The following FNDC1 variants were observed in gnomAD, a reference collection of about 807,000 sequenced individuals.
FNDC1 encodes the protein fibronectin type III domain containing 1.
Under a neutral mutation model 168.0 loss-of-function variants are expected in FNDC1, and 96 were observed. The ratio of observed to expected loss-of-function variants is 0.57; its 90% CI spans 0.48 to 0.68. FNDC1 has a LOEUF of 0.68. Among genes scored for constraint, FNDC1 ranks in the 30% least tolerant of loss-of-function variants. The probability of loss-of-function intolerance (pLI) is 0.00; values close to 1 mark genes in which losing one functional copy is unlikely to be tolerated. For synonymous variants in FNDC1, 1,099 were observed against 1,025.9 expected (o/e 1.07, Z -1.36); for missense variants, 2,587 against 2,482.1 (o/e 1.04, Z -0.90).
intron 9 of FNDC1, among the ~76,000 whole-genome samples, chr6:159,229,246 C>A (rs910780821): frequency 6.6e-6 from 1 of 152,190 alleles, no homozygotes; most frequent in Non-Finnish European, 1.5e-5. Flanking sequence ...AACTTTTCTT[C>A]ACAGCTCTAA....
chr6:159,252,416 A>T (rs1229731930), intron 17 of FNDC1, among the ~76,000 whole-genome samples: 1 of 152,196 alleles, frequency 6.6e-6, no homozygotes, highest in Non-Finnish European at 1.5e-5. Context: ...CTTACAATGA[A>T]AAAATGTGTC....
chr6:159,171,230 G>A (rs1425921132), intron 1 of FNDC1, among the ~76,000 whole-genome samples: 2 of 152,316 alleles, frequency 1.3e-5, no homozygotes, highest in African/African-American at 4.8e-5. Flanking sequence ...TCTCTCTACT[G>A]TGTTGACGTG....
At chr6:159,218,361 A>G (rs1248237854) in intron 5 of FNDC1, 1 of 152,130 alleles carries the variant, frequency 6.6e-6, no homozygotes, top group East Asian at 1.9e-4. Context: ...TAGCTCTTAA[A>G]TTTTCACACA....
In FNDC1 at chr6:159,232,773, A is replaced by C; in HGVS notation, c.2261A>C (p.Asn754Thr). ...GKDGEDAPATNSNAPSRSTMS... is the reference protein window; with the variant it reads ...GKDGEDAPATTSNAPSRSTMS... ...GATGGTGAGGACGCCCCAGCCACCA[A>C]CTCCAATGCGCCATCACGGTCCACC... The change falls in exon 11 of 23, where the codon AAC (asparagine) becomes ACC (threonine). Residue 754 changes from asparagine to threonine, a missense_variant. Coordinates refer to ENST00000297267, the MANE Select transcript of FNDC1 (RefSeq NM_032532.3). This position sits in a 1 kb window ranked among gnomAD's most constrained non-coding sequence, Gnocchi z 4.9. 1 of 1,613,284 alleles carries C rather than the reference A, an allele frequency of 6.2e-7. No homozygotes were observed. Among genetic ancestry groups the C allele is most frequent in the Non-Finnish European group, 8.5e-7 (1 of 1,179,704 alleles).
Position 159,236,247 on chromosome 6 carries a change from G to T in FNDC1, c.4000G>T (p.Val1334Phe). 1 of 1,613,756 alleles carries T rather than the reference G, an allele frequency of 6.2e-7. No homozygotes were observed. The highest frequency in any genetic ancestry group is 8.5e-7 in the Non-Finnish European group (1 of 1,179,720). ...YNGRPNVEGK[V>F]LPGSNGKPNG... Reference sequence around the variant, plus strand: ...TGGCAGACCAAATGTAGAAGGGAAAGTCCTTCCTGGTAGTAATGGAAAACC... The same window carrying T: ...TGGCAGACCAAATGTAGAAGGGAAATTCCTTCCTGGTAGTAATGGAAAACC... The change falls in exon 12 of 23, where the codon GTC becomes TTC. Residue 1334 changes from valine (V) to phenylalanine (F), a missense_variant. Physicochemically the swap from Val to Phe is conservative, Grantham distance 50 (BLOSUM62 -1). Transcript: ENST00000297267.
chr6:159,211,202 G>C (rs935140371), intron 4 of FNDC1, among the ~76,000 whole-genome samples: 6 of 152,190 alleles, frequency 3.9e-5, no homozygotes, highest in African/African-American at 1.4e-4. Flanking sequence ...TAGAGATCAG[G>C]ACCATCTTTG....
Position 159,225,622 on chromosome 6 carries a change from C to T in FNDC1, c.972C>T (p.Asn324=), listed in dbSNP as rs1159505135. 1.9e-6 allele frequency: 3 copies of T among 1,613,920 alleles called. No individual in the cohort carries two copies. The South Asian group carries it at 3.3e-5, about 18-fold the overall frequency. ...CTAACAGGCGTGTGCTGATTGAGAA[C>T]CTGATTCCAGACACTGTGTATGAAT... ...QIANRRVLIE[N]LIPDTVYEFA... Residue 324 remains asparagine (N), a synonymous_variant, in exon 8 of 23, where the codon AAC becomes AAT. Coordinates refer to ENST00000297267, the MANE Select transcript of FNDC1 (RefSeq NM_032532.3).
At chr6:159,203,097 A>G (rs548572424) in intron 4 of FNDC1, among the ~76,000 whole-genome samples, 1 of 151,972 alleles carries the variant, frequency 6.6e-6, no homozygotes, top group Non-Finnish European at 1.5e-5. Context: ...TTTCCTTTTT[A>G]TAAGGTCACT....
chr6:159,183,612 GGCTCT>G (rs1374109357), intron 1 of FNDC1, among the ~76,000 whole-genome samples: 6 of 152,304 alleles, frequency 3.9e-5, no homozygotes, highest in South Asian at 2.1e-4. Context: ...GCCAGAGCTG[GGCTCT>G]GCAGTGCTCT....
chr6:159,237,939 C>T (rs577483406), intron 12 of FNDC1, among the ~76,000 whole-genome samples: 1 of 152,284 alleles, frequency 6.6e-6, no homozygotes, highest in Non-Finnish European at 1.5e-5. Flanking sequence ...TAATCTCTTC[C>T]CTCAACTGAG....
At chr6:159,266,607 GA>G (rs1777598732) in intron 21 of FNDC1, among the ~76,000 whole-genome samples, 1 of 149,742 alleles carries the variant, frequency 6.7e-6, no homozygotes, top group East Asian at 1.9e-4. Flanking sequence ...ATGAACAAAT[GA>G]AAAATTCACT....
chr6:159,219,651 T>G (rs1273199954), intron 5 of FNDC1, among the ~76,000 whole-genome samples: 2 of 152,216 alleles, frequency 1.3e-5, no homozygotes, highest in African/African-American at 2.4e-5. Context: ...TTGTGTTTAC[T>G]GCAGAATAAA....
At chr6:159,227,706 C>G (rs556407421) in intron 9 of FNDC1, among the ~76,000 whole-genome samples, 1 of 147,302 alleles carries the variant, frequency 6.8e-6, no homozygotes, top group Non-Finnish European at 1.5e-5. Flanking sequence ...TTAATTTGGT[C>G]CCTTTAAATC....
At chr6:159,185,855 G>A (rs1781985722) in intron 1 of FNDC1, among the ~76,000 whole-genome samples, 1 of 152,200 alleles carries the variant, frequency 6.6e-6, no homozygotes, top group East Asian at 1.9e-4. Flanking sequence ...CTCTGTAGTA[G>A]AAGGCAAGGG....
chr6:159,172,929 C>T (rs951856509), intron 1 of FNDC1, among the ~76,000 whole-genome samples: 1 of 152,134 alleles, frequency 6.6e-6, no homozygotes, highest in Non-Finnish European at 1.5e-5. Flanking sequence ...AAAGATTTGC[C>T]AAAATGTAGA....
At chr6:159,188,369 CTTTTTTTTTTT>C (rs61551779) in intron 1 of FNDC1, among the ~76,000 whole-genome samples, 65 of 128,646 alleles carry the variant, frequency 5.1e-4, no homozygotes, top group Admixed American at 9.8e-4. Context: ...CAATTTCTTT[CTTTTTTTTTTT>C]TTTTTTTTTT....
In FNDC1 at chr6:159,234,348, C is replaced by A; in HGVS notation, c.3836C>A (p.Pro1279Gln). The A allele has an allele frequency of 6.2e-7, 1 of 1,611,718 alleles. No individual in the cohort carries two copies. Among genetic ancestry groups the A allele is most frequent in the Non-Finnish European group, 8.5e-7 (1 of 1,178,976 alleles). ...VSPVAGTHPW[P>Q]QYTTRAPPGH... The stretch of plus-strand genomic sequence containing the variant: ...CCCGTCGCGGGCACCCACCCCTGGC[C>A]GCAGTACACCACGCGCGCCCCACCT... Residue 1279 changes from proline (P) to glutamine (Q), a missense_variant, in exon 11 of 23, where the codon CCG becomes CAG. Physicochemically the swap from Pro to Gln is moderately conservative, Grantham distance 76 (BLOSUM62 -1). Coordinates refer to ENST00000297267, the MANE Select transcript of FNDC1 (RefSeq NM_032532.3).
Position 159,169,656 on chromosome 6 carries a change from G to A in FNDC1, c.60G>A (p.Leu20=), listed in dbSNP as rs1483490060. 1 of 1,163,628 alleles carries A rather than the reference G, an allele frequency of 8.6e-7. No individual in the cohort carries two copies. The highest frequency in any genetic ancestry group is 1.1e-6 in the Non-Finnish European group (1 of 945,152). The allele number at this position is 1,163,628 out of a possible 1,614,324, so 72.1% of individuals were successfully genotyped here. A position where few individuals can be genotyped will look rare whatever the true frequency, so the allele number is the denominator to read the frequency against. The change falls in exon 1 of 23, where the codon CTG becomes CTA. Residue 20 remains leucine, a synonymous_variant. Coordinates refer to ENST00000297267, the MANE Select transcript of FNDC1 (RefSeq NM_032532.3). This position sits in a 1 kb window ranked among gnomAD's most constrained non-coding sequence, Gnocchi z 6.8. The stretch of plus-strand genomic sequence containing the variant: ...CGCGCCGGCTGTCCTGGGCGGCGCT[G>A]CTGCTCTTGGCCGCGCTGCTCCCCG... ...RAPRRLSWAA[L]LLLAALLPVA...
rs1190597320 is a variant in FNDC1, at chr6:159,234,064, C to A, written c.3552C>A (p.Asp1184Glu). 3.1e-6 allele frequency: 5 copies of A among 1,612,514 alleles called. No individual in the cohort carries two copies. The highest frequency in any genetic ancestry group is 1.7e-5 in the Admixed American group (1 of 59,922). Residue 1184 changes from aspartate to glutamate, a missense_variant, in exon 11 of 23, where the codon GAC (aspartate) becomes GAA (glutamate). Transcript: ENST00000297267. ...CAGCCGAGGACGACGAGGAGGAGGA[C>A]GCGGGATTTTTTAAAGGCGGGAAAG... The part of the protein sequence containing the change: ...SVSAEDDEEE[D>E]AGFFKGGKED...
Sources: allele counts gnomAD v4.1 joint callset (sites outside exome capture counted in the v4.1 genomes callset), GRCh38; gene constraint gnomAD v4.1.1; non-coding constraint Gnocchi (gnomAD v3.1); transcripts MANE v1.5; gene names NCBI Gene and HGNC (gene_info 2026-07-23, HGNC 2026-07-21).